Variants in HTR1F observed in about 807,000 individuals in gnomAD.
HTR1F encodes the protein 5-hydroxytryptamine receptor 1F.
In HTR1F, 17 loss-of-function variants were observed where a neutral mutation model predicts 24.0. That is an observed-to-expected ratio of 0.71 (90% CI 0.48 to 1.06). The LOEUF (loss-of-function observed/expected upper bound fraction) is 1.06. HTR1F is among the 50% of genes least tolerant of loss of function. The pLI is 0.00. For missense variants in HTR1F, 391 were observed against 427.8 expected, an observed-to-expected ratio of 0.91 and a Z score of 0.76; for synonymous variants, 186 against 156.8, an observed-to-expected ratio of 1.19 and a Z score of -1.39.
At chr3:87,921,124 C>A (rs1704004615) in intron 2 of HTR1F, among the ~76,000 whole-genome samples, 1 of 151,874 alleles carries the variant, frequency 6.6e-6, no homozygotes, top group African/African-American at 2.4e-5. Flanking sequence ...AAATAAATGT[C>A]TATTGCTAGA....
chr3:87,906,003 C>A lies in HTR1F; in HGVS notation c.-43+83879C>A, dbSNP rs61019386. On this transcript the variant is annotated intron_variant, in intron 2 of 2. Coordinates refer to ENST00000319595, the MANE Select transcript of HTR1F (RefSeq NM_001322209.2). Reference sequence around the variant, plus strand: ...TGGCTGGCAAGGTTCAATTTCTTGACCTGGATGATTGTTACAAGAATGTTC... The same window carrying A: ...TGGCTGGCAAGGTTCAATTTCTTGAACTGGATGATTGTTACAAGAATGTTC... Among the ~76,000 whole-genome samples, 723 of 151,978 alleles carry A rather than the reference C, an allele frequency of 4.8e-3. 2 individuals carry two copies. The highest frequency in any genetic ancestry group is 0.017 in the African/African-American group (690 of 41,470).
At chr3:87,879,908 A>G (rs1311281775) in intron 2 of HTR1F, among the ~76,000 whole-genome samples, 1 of 152,126 alleles carries the variant, frequency 6.6e-6, no homozygotes. Flanking sequence ...ATGTACAAAC[A>G]GAACATTAGG....
At chr3:87,888,009 C>T (rs1183702082) in intron 2 of HTR1F, among the ~76,000 whole-genome samples, 1 of 152,184 alleles carries the variant, frequency 6.6e-6, no homozygotes. Flanking sequence ...ACTATAAAGA[C>T]ACGCACACAT....
intron 1 of HTR1F, among the ~76,000 whole-genome samples, chr3:87,799,658 G>A (rs1268034627): frequency 6.6e-6 from 1 of 152,184 alleles, no homozygotes; most frequent in Non-Finnish European, 1.5e-5. Flanking sequence ...AAATTGAAAG[G>A]AGAATAAAAC....
chr3:87,941,356 G>C (rs747526815), intron 2 of HTR1F, among the ~76,000 whole-genome samples: 34 of 152,186 alleles, frequency 2.2e-4, no homozygotes, highest in Non-Finnish European at 3.1e-4. Flanking sequence ...GGCTGGATAC[G>C]ATCCTCACGG....
chr3:87,916,580 A>G (rs1364069536), intron 2 of HTR1F, among the ~76,000 whole-genome samples: 2 of 152,140 alleles, frequency 1.3e-5, no homozygotes, highest in Non-Finnish European at 2.9e-5. Flanking sequence ...AGCTATTCTT[A>G]TATCAGACAA....
intron 2 of HTR1F, among the ~76,000 whole-genome samples, chr3:87,896,827 A>G (rs1025426972): frequency 7.2e-5 from 11 of 152,308 alleles, no homozygotes; most frequent in African/African-American, 2.4e-4. Context: ...GATGCTGTAC[A>G]TCGCTAATCA....
chr3:87,804,412 G>GA (rs1467513019), intron 1 of HTR1F, among the ~76,000 whole-genome samples: 14 of 150,300 alleles, frequency 9.3e-5, no homozygotes, highest in African/African-American at 4.9e-5. Context: ...GCTCAAAAAG[G>GA]AAAAAAAAAT....
At chr3:87,904,616 A>G (rs1703618374) in intron 2 of HTR1F, among the ~76,000 whole-genome samples, 1 of 152,120 alleles carries the variant, frequency 6.6e-6, no homozygotes, top group Non-Finnish European at 1.5e-5. Flanking sequence ...TAAAATGAAT[A>G]AATAAACTGT....
intron 2 of HTR1F, among the ~76,000 whole-genome samples, chr3:87,958,759 A>G (rs1704999278): frequency 6.6e-6 from 1 of 151,446 alleles, no homozygotes; most frequent in Non-Finnish European, 1.5e-5. Flanking sequence ...AGTCTCTGTT[A>G]TTTTGCCATC....
At chr3:87,820,148 T>C (rs1334286520) in intron 1 of HTR1F, among the ~76,000 whole-genome samples, 2 of 150,920 alleles carry the variant, frequency 1.3e-5, no homozygotes, top group Non-Finnish European at 1.5e-5. Context: ...AAGATTCCAA[T>C]AACTTGGTTT....
At chr3:87,960,939 A>G (rs1320941101) in intron 2 of HTR1F, among the ~76,000 whole-genome samples, 1 of 151,956 alleles carries the variant, frequency 6.6e-6, no homozygotes, top group African/African-American at 2.4e-5. Context: ...AACTCTCTTT[A>G]GAATTTCCTA....
chr3:87,901,147 A>G (rs563948804), intron 2 of HTR1F, among the ~76,000 whole-genome samples: 1 of 152,326 alleles, frequency 6.6e-6, no homozygotes, highest in East Asian at 1.9e-4. Context: ...TCAATTAAAC[A>G]TCTCAAAAAG....
At chr3:87,858,228 G>A (rs1306313711) in intron 2 of HTR1F, among the ~76,000 whole-genome samples, 2 of 152,142 alleles carry the variant, frequency 1.3e-5, no homozygotes, top group Non-Finnish European at 2.9e-5. Context: ...GCAAAGGCAT[G>A]TATAGAGCAC....
At chr3:87,902,058 CA>C (rs1312014122) in intron 2 of HTR1F, among the ~76,000 whole-genome samples, 1 of 152,014 alleles carries the variant, frequency 6.6e-6, no homozygotes, top group South Asian at 2.1e-4. Flanking sequence ...ACAAATTGAT[CA>C]AAATTATTTC....
At chr3:87,819,133 T>C (rs1014905813) in intron 1 of HTR1F, among the ~76,000 whole-genome samples, 3 of 152,220 alleles carry the variant, frequency 2.0e-5, no homozygotes, top group Non-Finnish European at 4.4e-5. Flanking sequence ...ATTTAAATTA[T>C]CTCTGCATGT....
chr3:87,959,591 G>T (rs1017361220), intron 2 of HTR1F, among the ~76,000 whole-genome samples: 3 of 151,776 alleles, frequency 2.0e-5, no homozygotes, highest in Non-Finnish European at 4.4e-5. Context: ...ACTTAAATTC[G>T]CTTTGTTAAA....
intron 2 of HTR1F, among the ~76,000 whole-genome samples, chr3:87,945,489 G>T (rs908710175): frequency 1.3e-5 from 2 of 152,196 alleles, no homozygotes; most frequent in Non-Finnish European, 2.9e-5. Flanking sequence ...AAAGGTAGGG[G>T]CGCACACATG....
chr3:87,825,255 A>G (rs2919247), intron 2 of HTR1F, among the ~76,000 whole-genome samples: 20,786 of 152,164 alleles, frequency 0.14, 4,428 homozygotes, highest in African/African-American at 0.46. Context: ...AAATGATCCC[A>G]AATAATCGTC....
Sources: allele counts gnomAD v4.1 joint callset (sites outside exome capture counted in the v4.1 genomes callset), GRCh38; gene constraint gnomAD v4.1.1; transcripts MANE v1.5; gene names NCBI Gene and HGNC (gene_info 2026-07-23, HGNC 2026-07-21).